The following TLE2 variants were observed in gnomAD, a reference collection of about 807,000 sequenced individuals.
The protein encoded by TLE2 is TLE family member 2, transcriptional corepressor, also known as transducin-like enhancer protein 2.
A neutral mutation model predicts 97.2 loss-of-function variants in TLE2; 74 were observed. The ratio of observed to expected loss-of-function variants is 0.76; its 90% CI spans 0.63 to 0.92. The LOEUF (loss-of-function observed/expected upper bound fraction) is 0.92. TLE2 is among the 40% of genes least tolerant of loss of function. The pLI, the probability that TLE2 is intolerant of heterozygous loss-of-function variation, is 0.00. For synonymous variants in TLE2, 499 were observed against 432.1 expected (o/e 1.15, Z -1.92); for missense variants, 1,038 against 1,008.7 (o/e 1.03, Z -0.39).
chr19:3,038,941 G>A (rs764142626), intron 1 of TLE2, among the ~76,000 whole-genome samples: 1 of 152,144 alleles, frequency 6.6e-6, no homozygotes, highest in Admixed American at 6.5e-5. Flanking sequence ...TACTTGGGAG[G>A]CTGAGGCAGG....
Position 3,025,002 on chromosome 19 carries a change from A to G in TLE2, c.294+18T>C. On this transcript the variant is annotated intron_variant, in intron 5 of 19. Coordinates refer to ENST00000262953, the MANE Select transcript of TLE2 (RefSeq NM_003260.5). ...CCGGCTCCCTTCCCCTCCTCCCCCC[A>G]CCCCCAGGCCCACTCACCTCCTGGG... is the stretch of plus-strand genomic sequence containing the variant. 1.2e-6 allele frequency: 1 copy of G among 852,454 alleles called. No homozygotes were observed. The highest frequency in any genetic ancestry group is 4.4e-5 in the East Asian group (1 of 22,928). The allele number at this position is 852,454 out of a possible 1,614,324, so 52.8% of individuals were successfully genotyped here.
In TLE2 at chr19:2,997,878, C is replaced by T; in HGVS notation, c.2202G>A (p.Lys734=). 2.5e-6 allele frequency: 4 copies of T among 1,612,146 alleles called. No homozygotes were observed. Among genetic ancestry groups the T allele is most frequent in the Non-Finnish European group, 1.7e-6 (2 of 1,179,218 alleles). The change falls in exon 20 of 20, where the codon AAG becomes AAA. Residue 734 remains lysine (K), a synonymous_variant. Transcript: ENST00000262953. ...AGACCACCTCATACACGGTGGCCTTCTTGTCCCCCGAGCCTGTCACGATGT... is the reference window on the plus strand; with the variant it reads ...AGACCACCTCATACACGGTGGCCTTTTTGTCCCCCGAGCCTGTCACGATGT... ...NKYIVTGSGD[K]KATVYEVVY
chr19:2,998,232 G>A (rs565468651), intron 19 of TLE2, among the ~76,000 whole-genome samples: 32 of 131,594 alleles, frequency 2.4e-4, no homozygotes, highest in Admixed American at 1.9e-3. Context: ...AACCACGCCC[G>A]GCCAATGTGT....
At chr19:3,025,440 A>G in intron 4 of TLE2, 1 of 1,064,478 alleles carries the variant, frequency 9.4e-7, no homozygotes, top group Non-Finnish European at 1.1e-6. Context: ...GGCTCAGCTG[A>G]AACAAAGGAA....
intron 1 of TLE2, among the ~76,000 whole-genome samples, chr19:3,043,207 C>T (rs190184988): frequency 2.2e-4 from 34 of 152,000 alleles, no homozygotes; most frequent in Admixed American, 4.6e-4. Context: ...CGGCTCCCTG[C>T]GAGGCTCAAG....
upstream of TLE2, among the ~76,000 whole-genome samples, chr19:3,034,083 C>T (rs1374726169): frequency 1.3e-5 from 2 of 151,938 alleles, no homozygotes; most frequent in Non-Finnish European, 2.9e-5. Context: ...CCTAGAGGTC[C>T]CCCAGATCTC....
At chr19:3,031,342 TTGTG>T (rs60898410), upstream of TLE2, among the ~76,000 whole-genome samples, 8,672 of 139,656 alleles carry the variant, frequency 0.062, 268 homozygotes, top group Non-Finnish European at 0.075. Context: ...AAAGATACAA[TTGTG>T]TGTGTGTGTG....
chr19:3,019,180 G>A lies in TLE2; in HGVS notation c.550+103C>T. On this transcript the variant is annotated intron_variant, in intron 7 of 19. Transcript: ENST00000262953. The surrounding 1 kb of genome is among the most constrained non-coding windows in gnomAD (Gnocchi z 5.1). Reference sequence around the variant, plus strand: ...CCCAAATTGTTGGGATTATAGGCATGAGCCACTTCATCCCCTCACGCTGAT... The same window carrying A: ...CCCAAATTGTTGGGATTATAGGCATAAGCCACTTCATCCCCTCACGCTGAT... 2.7e-6 allele frequency: 4 copies of A among 1,454,684 alleles called. No individual in the cohort carries two copies. The highest frequency in any genetic ancestry group is 3.7e-6 in the Non-Finnish European group (4 of 1,087,390). The allele number at this position is 1,454,684 out of a possible 1,614,324, so 90.1% of individuals were successfully genotyped here. A position where few individuals can be genotyped will look rare whatever the true frequency, so the allele number is the denominator to read the frequency against.
At chr19:3,031,830 C>T (rs1475484854), upstream of TLE2, among the ~76,000 whole-genome samples, 1 of 151,962 alleles carries the variant, frequency 6.6e-6, no homozygotes, top group Non-Finnish European at 1.5e-5. Context: ...TCCTAGCCAC[C>T]CATTTCAACA....
intron 1 of TLE2, among the ~76,000 whole-genome samples, chr19:3,036,516 C>G (rs1654674): frequency 0.26 from 39,871 of 152,068 alleles, 6,117 homozygotes; most frequent in African/African-American, 0.42. Flanking sequence ...CCCCTCCAGC[C>G]GAACTGCCGG....
At chr19:3,004,629 A>C (rs563990243) in intron 17 of TLE2, among the ~76,000 whole-genome samples, 1 of 151,722 alleles carries the variant, frequency 6.6e-6, no homozygotes, top group Non-Finnish European at 1.5e-5. Context: ...AAAAAAAAAA[A>C]AAAAGAGGAG....
chr19:3,005,694 C>T, intron 16 of TLE2, 27 bp downstream of exon 16: 1 of 1,609,164 alleles, frequency 6.2e-7, no homozygotes, highest in Non-Finnish European at 8.5e-7. Flanking sequence ...GGGGCTTGCC[C>T]AAGGTCCCAG....
At chr19:3,039,416 C>G (rs1207554434) in intron 1 of TLE2, among the ~76,000 whole-genome samples, 3 of 152,106 alleles carry the variant, frequency 2.0e-5, no homozygotes, top group Non-Finnish European at 4.4e-5. Context: ...GGCCTTCTCC[C>G]TCTTCCTCAA....
chr19:3,036,149 TG>T (rs1344667221), intron 1 of TLE2, among the ~76,000 whole-genome samples: 6 of 151,222 alleles, frequency 4.0e-5, no homozygotes, highest in African/African-American at 1.5e-4. Flanking sequence ...TACCCCCAGG[TG>T]GGGGGGATGG....
upstream of TLE2, among the ~76,000 whole-genome samples, chr19:3,033,138 G>T (rs1391269897): frequency 6.7e-6 from 1 of 150,320 alleles, no homozygotes; most frequent in South Asian, 2.1e-4. Flanking sequence ...TCAGCTTCTC[G>T]AGCAGCTGGG....
rs776121050 is a variant in TLE2 at position 3,017,851 on chromosome 19, C to A, written c.559G>T (p.Ala187Ser). 6.2e-7 allele frequency: 1 copy of A among 1,612,248 alleles called. No homozygotes were observed. Among genetic ancestry groups the A allele is most frequent in the Non-Finnish European group, 8.5e-7 (1 of 1,179,186 alleles). Residue 187 changes from alanine (A) to serine (S), a missense_variant, in exon 8 of 20, where the codon GCC becomes TCC. By Grantham distance (99) the Ala-to-Ser change is moderately conservative. Transcript: ENST00000262953. ...TGCCACTCACTTACCCTGCTCGGGG[C>A]TCTCTCCACTGACAGATTGGGAATG... ...VEAEGSRVER[A>S]PSRSASPSPP...
intron 1 of TLE2, among the ~76,000 whole-genome samples, chr19:3,037,920 G>A (rs1443417750): frequency 2.0e-5 from 3 of 152,182 alleles, no homozygotes; most frequent in East Asian, 1.9e-4. Context: ...TCAGGAGTTC[G>A]ACACCAGCCT....
chr19:3,032,147 G>C (rs906910662), upstream of TLE2, among the ~76,000 whole-genome samples: 7 of 152,094 alleles, frequency 4.6e-5, no homozygotes, highest in Non-Finnish European at 8.8e-5. This position sits in a 1 kb window ranked among gnomAD's most constrained non-coding sequence, Gnocchi z 4.1. Context: ...GGCCGGGCTG[G>C]TCTTGAATTC....
chr19:3,006,174 C>A (rs1221895433), intron 15 of TLE2: 2 of 947,052 alleles, frequency 2.1e-6, no homozygotes, highest in Non-Finnish European at 3.4e-6. Context: ...TACCTATAAG[C>A]CCCACCCATG....
Sources: allele counts gnomAD v4.1 joint callset (sites outside exome capture counted in the v4.1 genomes callset), GRCh38; gene constraint gnomAD v4.1.1; non-coding constraint Gnocchi (gnomAD v3.1); transcripts MANE v1.5; gene names NCBI Gene and HGNC (gene_info 2026-07-23, HGNC 2026-07-21).